Variants in MYO5A observed in about 807,000 individuals in gnomAD.
MYO5A encodes the protein unconventional myosin-Va.
Under a neutral mutation model 249.7 loss-of-function variants are expected in MYO5A, and 98 were observed. The ratio of observed to expected loss-of-function variants is 0.39; its 90% CI spans 0.33 to 0.46. The LOEUF (loss-of-function observed/expected upper bound fraction) is 0.46. Ranked by LOEUF, MYO5A falls within the 20% of genes least tolerant of loss-of-function variation. The pLI, the probability that MYO5A is intolerant of heterozygous loss-of-function variation, is 0.98. For synonymous variants in MYO5A, 778 were observed against 810.6 expected (o/e 0.96, Z 0.68); for missense variants, 1,696 against 2,308.8 (o/e 0.73, Z 5.44).
intron 1 of MYO5A, among the ~76,000 whole-genome samples, chr15:52,523,421 C>A (rs2077664103): frequency 6.6e-6 from 1 of 152,052 alleles, no homozygotes; most frequent in African/African-American, 2.4e-5. Flanking sequence ...CATTCCATCC[C>A]TCCCCTGCTT....
intron 1 of MYO5A, among the ~76,000 whole-genome samples, chr15:52,468,062 A>C (rs886808770): frequency 1.3e-5 from 2 of 152,208 alleles, no homozygotes; most frequent in East Asian, 1.9e-4. Context: ...AAACAAAGAA[A>C]AGATGGACCA....
Position 52,473,425 on chromosome 15 carries a change from T to C in MYO5A, c.28-40140A>G, listed in dbSNP as rs566237529. Among the ~76,000 whole-genome samples, 3 of 152,338 alleles carry C rather than the reference T, an allele frequency of 2.0e-5. No homozygotes were observed. In the East Asian group the frequency reaches 5.8e-4, roughly 29 times the overall value. On this transcript the variant is annotated intron_variant, in intron 1 of 41. Coordinates refer to ENST00000399233, the MANE Select transcript of MYO5A (RefSeq NM_001382347.1). Reference sequence around the variant, plus strand: ...TAGATCCCATTTGTCAATTTTGGCTTTTGTTGCCATTGCTTTTGGTGTTTT... The same window carrying C: ...TAGATCCCATTTGTCAATTTTGGCTCTTGTTGCCATTGCTTTTGGTGTTTT...
chr15:52,526,065 A>G (rs1224693817), intron 1 of MYO5A, among the ~76,000 whole-genome samples: 2 of 152,248 alleles, frequency 1.3e-5, no homozygotes, highest in Admixed American at 1.3e-4. Context: ...TTGCCAACAA[A>G]TAACCAAGTA....
intron 1 of MYO5A, among the ~76,000 whole-genome samples, chr15:52,453,732 A>T (rs576700094): frequency 1.3e-4 from 20 of 152,142 alleles, no homozygotes; most frequent in Admixed American, 4.6e-4. Context: ...GGTTTTTTTT[A>T]AAAAAATATT....
chr15:52,425,131 A>G (rs2094111586), intron 4 of MYO5A, among the ~76,000 whole-genome samples: 1 of 152,266 alleles, frequency 6.6e-6, no homozygotes, highest in South Asian at 2.1e-4. Flanking sequence ...TTAATTCCCT[A>G]GGATTCAGAA....
At chr15:52,455,762 C>A (rs2076105419) in intron 1 of MYO5A, among the ~76,000 whole-genome samples, 2 of 78,882 alleles carry the variant, frequency 2.5e-5, no homozygotes, top group Admixed American at 1.8e-4. Context: ...AATTCAACAT[C>A]CCTTCATGAT....
chr15:52,501,467 G>A (rs1472682403), intron 1 of MYO5A, among the ~76,000 whole-genome samples: 58 of 151,942 alleles, frequency 3.8e-4, no homozygotes, highest in Non-Finnish European at 2.9e-5. Context: ...TGGGCGTGGT[G>A]GTGTGTCTGT....
chr15:52,408,126 T>C lies in MYO5A; in HGVS notation c.771A>G (p.Arg257=). The C allele has an allele frequency of 6.2e-7, 1 of 1,602,344 alleles. No homozygotes were observed. The highest frequency in any genetic ancestry group is 8.5e-7 in the Non-Finnish European group (1 of 1,170,590). The change falls in exon 7 of 42, where the codon AGA becomes AGG. Residue 257 remains arginine, a synonymous_variant. Coordinates refer to ENST00000399233, the MANE Select transcript of MYO5A (RefSeq NM_001382347.1). ...AAAGCTGATAGAAGATATGATAGTT[T>C]CTCTCCTCTTCTGCCTTCGAAATAA... is the stretch of plus-strand genomic sequence containing the variant. ...SRVVFQAEEE[R]NYHIFYQLCA...
chr15:52,314,131 T>C lies in MYO5A; in HGVS notation c.5482A>G (p.Thr1828Ala), dbSNP rs201517027. ...EERVSVSFIRTIQMRLRDRKD... is the reference protein window; with the variant it reads ...EERVSVSFIRAIQMRLRDRKD... ...AAGATGGGAGCTCTTACCTGTATAGTACGAATGAACGACACAGAGACTCTT... is the reference window on the plus strand; with the variant it reads ...AAGATGGGAGCTCTTACCTGTATAGCACGAATGAACGACACAGAGACTCTT... The change falls in exon 41 of 42, where the codon ACT becomes GCT. Residue 1828 changes from threonine to alanine, a missense_variant. Coordinates refer to ENST00000399233, the MANE Select transcript of MYO5A (RefSeq NM_001382347.1). 146 of 1,607,128 alleles carry C rather than the reference T, an allele frequency of 9.1e-5. No individual in the cohort carries two copies. Among genetic ancestry groups the C allele is most frequent in the Non-Finnish European group, 1.2e-4 (140 of 1,174,402 alleles).
At chr15:52,347,368 TA>T (rs1327857045) in intron 29 of MYO5A, among the ~76,000 whole-genome samples, 1 of 152,114 alleles carries the variant, frequency 6.6e-6, no homozygotes, top group Non-Finnish European at 1.5e-5. Flanking sequence ...GTGTAGCCTC[TA>T]AAAAACAATA....
At chr15:52,428,264 T>C (rs2075441313) in intron 3 of MYO5A, 134 bp downstream of exon 3, 2 of 905,242 alleles carry the variant, frequency 2.2e-6, no homozygotes, top group African/African-American at 3.3e-5. Context: ...TAAATCTTTC[T>C]GATAACGCTC....
intron 1 of MYO5A, among the ~76,000 whole-genome samples, chr15:52,459,746 G>A (rs900972852): frequency 1.2e-4 from 18 of 151,836 alleles, no homozygotes; most frequent in African/African-American, 4.3e-4. Flanking sequence ...AGGGGCTGCC[G>A]GGCAGAGGGG....
intron 21 of MYO5A, among the ~76,000 whole-genome samples, chr15:52,371,771 G>A (rs2041128608): frequency 6.6e-6 from 1 of 151,984 alleles, no homozygotes; most frequent in African/African-American, 2.4e-5. Flanking sequence ...TCAGAAGGCT[G>A]TGGTGGGAAG....
chr15:52,498,905 TAA>T (rs766822173), intron 1 of MYO5A, among the ~76,000 whole-genome samples: 11 of 152,204 alleles, frequency 7.2e-5, no homozygotes, highest in Non-Finnish European at 1.3e-4. Context: ...ATAGCAGTGG[TAA>T]AGACTTGATG....
At chr15:52,411,098 A>G (rs1254692011) in intron 5 of MYO5A, among the ~76,000 whole-genome samples, 1 of 152,248 alleles carries the variant, frequency 6.6e-6, no homozygotes, top group Non-Finnish European at 1.5e-5. Flanking sequence ...GAAAGAGAAC[A>G]AACGAGGATG....
At chr15:52,525,230 G>A (rs949419248) in intron 1 of MYO5A, among the ~76,000 whole-genome samples, 39 of 152,274 alleles carry the variant, frequency 2.6e-4, no homozygotes, top group Admixed American at 2.0e-3. Flanking sequence ...ACTACTCTGT[G>A]AATAAACCAA....
chr15:52,418,778 G>A (rs551884657), intron 4 of MYO5A, among the ~76,000 whole-genome samples: 2 of 151,974 alleles, frequency 1.3e-5, no homozygotes, highest in Non-Finnish European at 2.9e-5. Context: ...GAGCCGGGGT[G>A]GGGGAGGGTG....
At chr15:52,348,730 C>A in intron 29 of MYO5A, 88 bp downstream of exon 29, 1 of 1,080,826 alleles carries the variant, frequency 9.3e-7, no homozygotes, top group South Asian at 1.5e-5. Flanking sequence ...GGTCAGAAAG[C>A]ATCAATTGCC....
At chr15:52,466,109 C>T (rs1289428418) in intron 1 of MYO5A, among the ~76,000 whole-genome samples, 1 of 152,170 alleles carries the variant, frequency 6.6e-6, no homozygotes, top group Non-Finnish European at 1.5e-5. Flanking sequence ...TGAGAAGGAA[C>T]TGCTTGAGGA....
Sources: gnomAD v4.1 joint callset for allele counts (sites outside exome capture counted in the v4.1 genomes callset) on GRCh38, gnomAD v4.1.1 for gene constraint, MANE v1.5 for transcripts, NCBI Gene and HGNC (gene_info 2026-07-23, HGNC 2026-07-21) for gene names.